Variants in NOTCH2 observed in about 807,000 individuals in gnomAD.
NOTCH2 encodes notch receptor 2, also known as neurogenic locus notch homolog protein 2.
Under a neutral mutation model 235.8 loss-of-function variants are expected in NOTCH2, and 29 were observed. That is an observed-to-expected ratio of 0.12 (90% CI 0.09 to 0.17). NOTCH2 has a LOEUF of 0.17. Ranked by LOEUF, NOTCH2 falls within the 10% of genes least tolerant of loss-of-function variation. The pLI is 1.00. For synonymous variants in NOTCH2, 1,086 were observed against 1,141.5 expected, an observed-to-expected ratio of 0.95 and a Z score of 0.98; for missense variants, 2,285 against 3,150.2, an observed-to-expected ratio of 0.73 and a Z score of 6.57.
At chr1:119,940,510 C>G in intron 19 of NOTCH2, 45 bp downstream of exon 19, 1 of 1,547,002 alleles carries the variant, frequency 6.5e-7, no homozygotes, top group Non-Finnish European at 8.9e-7. Context: ...GTATAATATT[C>G]AGCTGCTCTA....
rs149442704 is a variant in NOTCH2, at chr1:119,918,431, C to T, written c.5904G>A (p.Ala1968=). The part of the protein sequence containing the change: ...GMVAELINCQ[A]DVNAVDDHGK... ...CATGGTCATCCACTGCATTCACATCCGCTTGGCAGTTGATCAGTTCTGCCA... is the reference window on the plus strand; with the variant it reads ...CATGGTCATCCACTGCATTCACATCTGCTTGGCAGTTGATCAGTTCTGCCA... The change falls in exon 32 of 34, where the codon GCG becomes GCA. Residue 1968 remains alanine, a synonymous_variant. Coordinates refer to ENST00000256646, the MANE Select transcript of NOTCH2 (RefSeq NM_024408.4). 3.9e-5 allele frequency: 63 copies of T among 1,614,164 alleles called. No individual in the cohort carries two copies. The highest frequency in any genetic ancestry group is 2.7e-4 in the African/African-American group (20 of 75,034).
intron 22 of NOTCH2, among the ~76,000 whole-genome samples, chr1:119,930,342 G>T (rs1649612336): frequency 6.6e-6 from 1 of 150,866 alleles, no homozygotes; most frequent in African/African-American, 2.4e-5. Context: ...GAGTTCAAAA[G>T]TTATTCCATT....
intron 28 of NOTCH2, 39 bp from the exon 29 acceptor site, chr1:119,921,848 C>A (rs773712763): frequency 1.3e-6 from 2 of 1,510,514 alleles, no homozygotes; most frequent in South Asian, 2.3e-5. Context: ...GAATGGCAGT[C>A]ATAAACTAAT....
At chr1:120,025,366 AG>A (rs1653801647) in intron 2 of NOTCH2, among the ~76,000 whole-genome samples, 1 of 152,078 alleles carries the variant, frequency 6.6e-6, no homozygotes, top group African/African-American at 2.4e-5. Flanking sequence ...AGGGCTTGGT[AG>A]GCCCCTCACA....
chr1:119,953,777 G>T (rs1650578367), intron 13 of NOTCH2, 89 bp from the exon 14 acceptor site: 1 of 1,126,166 alleles, frequency 8.9e-7, no homozygotes, highest in African/African-American at 1.5e-5. Context: ...AAGAAATGGG[G>T]TAAACTGATC....
At chr1:120,063,524 C>T (rs1389332546) in intron 1 of NOTCH2, among the ~76,000 whole-genome samples, 2 of 152,198 alleles carry the variant, frequency 1.3e-5, no homozygotes, top group Admixed American at 1.3e-4. Context: ...TCTGAAAATG[C>T]TGGATTTCGC....
At chr1:119,970,404 G>A (rs587631669) in intron 5 of NOTCH2, among the ~76,000 whole-genome samples, 4 of 152,184 alleles carry the variant, frequency 2.6e-5, no homozygotes, top group Non-Finnish European at 4.4e-5. Context: ...TGGATGTGAA[G>A]GGCAAGGCCA....
rs887167654 is a variant in NOTCH2 at position 119,913,924 on chromosome 1, C to T, written c.*1382G>A. On this transcript the variant is annotated 3_prime_UTR_variant, in exon 34 of 34. Coordinates refer to ENST00000256646, the MANE Select transcript of NOTCH2 (RefSeq NM_024408.4). ...AACAAGTCCAACTTTCCAATTCCTG[C>T]ACTTGAACATATAAAGTCCATGTCT... 10 of 232,896 alleles carry T rather than the reference C, an allele frequency of 4.3e-5. No homozygotes were observed. In the East Asian group the frequency reaches 6.0e-4, roughly 14 times the overall value. 14.4% of individuals were successfully genotyped at this position (232,896 alleles called of 1,614,324 possible).
intron 18 of NOTCH2, among the ~76,000 whole-genome samples, 183 bp from the exon 19 acceptor site, chr1:119,940,939 T>C (rs147578301): frequency 6.6e-6 from 1 of 152,338 alleles, no homozygotes; most frequent in East Asian, 1.9e-4. Context: ...TTCCTTTCTA[T>C]AATCAAAGGC....
chr1:119,983,176 A>G (rs1163402870), intron 5 of NOTCH2, among the ~76,000 whole-genome samples: 1 of 151,998 alleles, frequency 6.6e-6, no homozygotes, highest in Non-Finnish European at 1.5e-5. Flanking sequence ...TATTAAAAAG[A>G]TATCTTTTTT....
At position 119,986,950 on chromosome 1, in the gene NOTCH2, C is replaced by T; in HGVS notation, c.874+10G>A. 6.2e-7 allele frequency: 1 copy of T among 1,613,502 alleles called. No individual in the cohort carries two copies. The highest frequency in any genetic ancestry group is 8.5e-7 in the Non-Finnish European group (1 of 1,179,508). Reference sequence around the variant, plus strand: ...ATCCCATTCTGGTGGATTCTCCACACTGTACATACCTGTCCATTGTGGGGG... The same window carrying T: ...ATCCCATTCTGGTGGATTCTCCACATTGTACATACCTGTCCATTGTGGGGG... On this transcript the variant is annotated intron_variant, in intron 5 of 33. Transcript: ENST00000256646.
At chr1:119,957,819 G>A (rs1650760953) in intron 12 of NOTCH2, among the ~76,000 whole-genome samples, 1 of 124,456 alleles carries the variant, frequency 8.0e-6, no homozygotes, top group South Asian at 2.6e-4. Context: ...TCCAGTAGAA[G>A]CCTTATATAA....
At chr1:119,921,303 G>A (rs1214490278) in intron 29 of NOTCH2, among the ~76,000 whole-genome samples, 1 of 152,096 alleles carries the variant, frequency 6.6e-6, no homozygotes, top group Non-Finnish European at 1.5e-5. Context: ...ATGATCACTG[G>A]CTTTCATTTT....
chr1:119,966,575 C>G, intron 8 of NOTCH2, 86 bp from the exon 9 acceptor site: 1 of 901,098 alleles, frequency 1.1e-6, no homozygotes, highest in Non-Finnish European at 1.9e-6. Context: ...ATGATAACTA[C>G]ATCCTTTGCG....
chr1:119,976,422 G>A (rs1484975981), intron 5 of NOTCH2: 2 of 150,764 alleles, frequency 1.3e-5, no homozygotes, highest in African/African-American at 5.0e-5. Flanking sequence ...GCTGTCTACA[G>A]GGCCTGCCTA....
At chr1:119,967,328 G>T in intron 8 of NOTCH2, 105 bp downstream of exon 8, 1 of 1,047,262 alleles carries the variant, frequency 9.5e-7, no homozygotes, top group Non-Finnish European at 1.5e-6. Flanking sequence ...GAAATCAAAT[G>T]CTGACAGAGC....
chr1:119,916,188 G>A lies in NOTCH2; in HGVS notation c.6534C>T (p.Ala2178=), dbSNP rs1369019559. The A allele has an allele frequency of 1.2e-6, 2 of 1,614,112 alleles. No homozygotes were observed. The highest frequency in any genetic ancestry group is 1.7e-6 in the Non-Finnish European group (2 of 1,180,044). Residue 2178 remains alanine (A), a synonymous_variant, in exon 34 of 34, where the codon GCC becomes GCT. Transcript: ENST00000256646. ...CAGTGGCCAACATAGGGTTGGGTGAGGCCTGTAAGATCCCAGGGGATGTAA... is the reference window on the plus strand; with the variant it reads ...CAGTGGCCAACATAGGGTTGGGTGAAGCCTGTAAGATCCCAGGGGATGTAA... ...PMITSPGILQ[A]SPNPMLATAA... is the part of the protein sequence containing the mutation.
At chr1:119,933,324 G>C (rs1254005654) in intron 22 of NOTCH2, among the ~76,000 whole-genome samples, 5 of 152,156 alleles carry the variant, frequency 3.3e-5, no homozygotes, top group African/African-American at 1.2e-4. Context: ...CTAACAATGG[G>C]GTTATGGGAC....
chr1:119,920,187 C>G, intron 30 of NOTCH2, 42 bp downstream of exon 30: 1 of 1,610,796 alleles, frequency 6.2e-7, no homozygotes, highest in African/African-American at 1.3e-5. Context: ...GAACCATGGG[C>G]AGACACAGCC....
Sources: allele counts gnomAD v4.1 joint callset (sites outside exome capture counted in the v4.1 genomes callset), GRCh38; gene constraint gnomAD v4.1.1; transcripts MANE v1.5; gene names NCBI Gene and HGNC (gene_info 2026-07-23, HGNC 2026-07-21).